Variants in QRFPR observed in about 807,000 individuals in gnomAD.
QRFPR encodes pyroglutamylated RF-amide peptide receptor.
Under a neutral mutation model 31.3 loss-of-function variants are expected in QRFPR, and 37 were observed. That is an observed-to-expected ratio of 1.18 (90% CI 0.91 to 1.56). QRFPR has a LOEUF of 1.56. QRFPR is among the 40% of genes most tolerant of loss of function. QRFPR has a pLI of 0.00. For synonymous variants in QRFPR, 197 were observed against 192.0 expected, an observed-to-expected ratio of 1.03 and a Z score of -0.22; for missense variants, 542 against 532.5, an observed-to-expected ratio of 1.02 and a Z score of -0.18.
chr4:121,378,094 C>G (rs1009540517), intron 1 of QRFPR, among the ~76,000 whole-genome samples: 4 of 152,170 alleles, frequency 2.6e-5, no homozygotes, highest in Non-Finnish European at 4.4e-5. Context: ...AGGCCACCTC[C>G]AATTAAACAC....
At chr4:121,365,587 ATAT>A (rs1482921885) in intron 1 of QRFPR, among the ~76,000 whole-genome samples, 551 of 2,850 alleles carry the variant, frequency 0.19, 79 homozygotes, top group African/African-American at 0.43. Flanking sequence ...TATATTATAT[ATAT>A]TATATATATA....
chr4:121,328,867 C>A lies in QRFPR; in HGVS notation c.*447G>T, dbSNP rs944548397. Among the ~76,000 whole-genome samples, 4 of 152,126 alleles carry A rather than the reference C, an allele frequency of 2.6e-5. No individual in the cohort carries two copies. Among genetic ancestry groups the A allele is most frequent in the African/African-American group, 9.7e-5 (4 of 41,424 alleles). On this transcript the variant is annotated 3_prime_UTR_variant, in exon 6 of 6. Coordinates refer to ENST00000394427, the MANE Select transcript of QRFPR (RefSeq NM_198179.3). The stretch of plus-strand genomic sequence containing the variant: ...GCCTCCCGGGTTCACACCATTCTCC[C>A]GCCTGAGGCTCCCAAGTAGCTGGGA...
intron 1 of QRFPR, among the ~76,000 whole-genome samples, chr4:121,346,228 C>T (rs1201690641): frequency 6.6e-6 from 1 of 152,176 alleles, no homozygotes; most frequent in African/African-American, 2.4e-5. Context: ...ATAAACAAAT[C>T]ATATTCAAAC....
At chr4:121,374,669 A>C (rs946881095) in intron 1 of QRFPR, among the ~76,000 whole-genome samples, 3 of 151,684 alleles carry the variant, frequency 2.0e-5, no homozygotes, top group Admixed American at 6.6e-5. Context: ...GTTTTAAAAA[A>C]CTCCCAGATG....
At chr4:121,372,235 T>C (rs553644997) in intron 1 of QRFPR, among the ~76,000 whole-genome samples, 1 of 152,202 alleles carries the variant, frequency 6.6e-6, no homozygotes, top group African/African-American at 2.4e-5. Flanking sequence ...AGGGGGTATC[T>C]CTGGGTGTTT....
At chr4:121,357,757 G>A (rs1054174416) in intron 1 of QRFPR, among the ~76,000 whole-genome samples, 1 of 152,186 alleles carries the variant, frequency 6.6e-6, no homozygotes, top group East Asian at 1.9e-4. Flanking sequence ...AGGCAGCAAA[G>A]CTTAAGAACC....
chr4:121,356,528 C>T (rs952474662), intron 1 of QRFPR, among the ~76,000 whole-genome samples: 2 of 152,116 alleles, frequency 1.3e-5, no homozygotes, highest in African/African-American at 4.8e-5. Context: ...ACAGTCTGGG[C>T]TTGTTTGTAC....
chr4:121,380,829 G>A lies in QRFPR; in HGVS notation c.-182C>T, dbSNP rs373486768. 3 of 575,602 alleles carry A rather than the reference G, an allele frequency of 5.2e-6. No homozygotes were observed. Among genetic ancestry groups the A allele is most frequent in the African/African-American group, 1.9e-5 (1 of 53,254 alleles). The allele number at this position is 575,602 out of a possible 1,614,324, so 35.7% of individuals were successfully genotyped here. On this transcript the variant is annotated 5_prime_UTR_variant, in exon 1 of 6. Transcript: ENST00000394427. ...GGTTCGGGAAAGGAGAGCAGCTCAG[G>A]GATCAAACCCACGATAAAGAGGCGG...
intron 1 of QRFPR, among the ~76,000 whole-genome samples, chr4:121,352,074 G>A (rs1304790528): frequency 6.6e-6 from 1 of 152,036 alleles, no homozygotes; most frequent in Non-Finnish European, 1.5e-5. Context: ...GCACTGATGT[G>A]ATCATCATAA....
At chr4:121,379,421 C>A (rs1227952836) in intron 1 of QRFPR, among the ~76,000 whole-genome samples, 9 of 152,180 alleles carry the variant, frequency 5.9e-5, no homozygotes, top group Non-Finnish European at 8.8e-5. Flanking sequence ...CAAGAATACA[C>A]CCAACCGTGA....
intron 1 of QRFPR, among the ~76,000 whole-genome samples, chr4:121,347,987 CT>C (rs1451098996): frequency 6.6e-6 from 1 of 151,928 alleles, no homozygotes; most frequent in Non-Finnish European, 1.5e-5. Flanking sequence ...ATGGATATAA[CT>C]TTTTTATAGA....
At chr4:121,373,757 A>T (rs1202603324) in intron 1 of QRFPR, among the ~76,000 whole-genome samples, 1 of 152,214 alleles carries the variant, frequency 6.6e-6, no homozygotes, top group Non-Finnish European at 1.5e-5. Context: ...AGATCTTTTC[A>T]CTAAATGAAG....
chr4:121,329,162 G>T lies in QRFPR; in HGVS notation c.*152C>A. On this transcript the variant is annotated 3_prime_UTR_variant, in exon 6 of 6. Coordinates refer to ENST00000394427, the MANE Select transcript of QRFPR (RefSeq NM_198179.3). The stretch of plus-strand genomic sequence containing the variant: ...ATTGGTTGTAAACATCACTGCACTT[G>T]GACTAGCCTCGTGTCATTTTTTAAT... 1.6e-6 allele frequency: 1 copy of T among 610,376 alleles called. No individual in the cohort carries two copies. The highest frequency in any genetic ancestry group is 2.7e-6 in the Non-Finnish European group (1 of 363,892). 37.8% of individuals were successfully genotyped at this position (610,376 alleles called of 1,614,324 possible).
chr4:121,334,714 C>T (rs1449168335), intron 3 of QRFPR: 8 of 278,906 alleles, frequency 2.9e-5, no homozygotes, highest in Admixed American at 8.5e-5. Flanking sequence ...CAATTTTAAC[C>T]GTCTCGTTGC....
At chr4:121,335,594 G>GT (rs1725420657) in intron 3 of QRFPR, among the ~76,000 whole-genome samples, 2 of 130,704 alleles carry the variant, frequency 1.5e-5, no homozygotes, top group East Asian at 7.1e-4. Flanking sequence ...GTGGGGCGGG[G>GT]AGAGGAGTGG....
intron 1 of QRFPR, among the ~76,000 whole-genome samples, chr4:121,378,143 A>G (rs1273936610): frequency 3.3e-5 from 5 of 152,190 alleles, no homozygotes; most frequent in Non-Finnish European, 7.4e-5. Context: ...TCATGGCATG[A>G]CCAATATTTT....
At chr4:121,355,751 G>T (rs1725855998) in intron 1 of QRFPR, among the ~76,000 whole-genome samples, 1 of 151,826 alleles carries the variant, frequency 6.6e-6, no homozygotes, top group African/African-American at 2.4e-5. Context: ...GTTTTGGTAT[G>T]TTGTGTTTCC....
intron 1 of QRFPR, among the ~76,000 whole-genome samples, chr4:121,340,909 A>T (rs1725531478): frequency 6.6e-6 from 1 of 152,190 alleles, no homozygotes; most frequent in Admixed American, 6.5e-5. Flanking sequence ...TTGCTTGGGG[A>T]AGAGCAAAGT....
intron 1 of QRFPR, among the ~76,000 whole-genome samples, chr4:121,342,128 G>A (rs946434487): frequency 2.6e-5 from 4 of 152,208 alleles, no homozygotes; most frequent in Non-Finnish European, 5.9e-5. Flanking sequence ...CACTGAAGGC[G>A]CGAATAGAAC....
Sources: gnomAD v4.1 joint callset for allele counts (sites outside exome capture counted in the v4.1 genomes callset) on GRCh38, gnomAD v4.1.1 for gene constraint, MANE v1.5 for transcripts, NCBI Gene and HGNC (gene_info 2026-07-23, HGNC 2026-07-21) for gene names.